Variants in RNLS observed in about 807,000 individuals in gnomAD.
The protein encoded by RNLS is renalase, FAD dependent amine oxidase.
A neutral mutation model predicts 39.8 loss-of-function variants in RNLS; 39 were observed. The ratio of observed to expected loss-of-function variants is 0.98; its 90% CI spans 0.76 to 1.28. RNLS has a LOEUF of 1.28. RNLS is among the 50% of genes most tolerant of loss of function. The pLI is 0.00. For synonymous variants in RNLS, 147 were observed against 150.7 expected, an observed-to-expected ratio of 0.98 and a Z score of 0.18; for missense variants, 410 against 413.3, an observed-to-expected ratio of 0.99 and a Z score of 0.07.
chr10:88,331,916 G>C (rs527554024), intron 5 of RNLS, among the ~76,000 whole-genome samples: 1 of 152,154 alleles, frequency 6.6e-6, no homozygotes, highest in Non-Finnish European at 1.5e-5. Flanking sequence ...AGATAGCCAG[G>C]GAGAGAGAGG....
chr10:88,394,513 A>G (rs1852423768), intron 4 of RNLS, among the ~76,000 whole-genome samples: 1 of 152,238 alleles, frequency 6.6e-6, no homozygotes, highest in African/African-American at 2.4e-5. Context: ...CACGCCAGTT[A>G]GAATGGCGTT....
At chr10:88,316,594 G>A (rs1447693562) in intron 5 of RNLS, among the ~76,000 whole-genome samples, 3 of 152,138 alleles carry the variant, frequency 2.0e-5, no homozygotes, top group Non-Finnish European at 4.4e-5. Flanking sequence ...GCTGCATGCT[G>A]AGAATTGGGA....
At chr10:88,406,029 T>C (rs1853242528) in intron 4 of RNLS, among the ~76,000 whole-genome samples, 1 of 152,066 alleles carries the variant, frequency 6.6e-6, no homozygotes. Context: ...ATTGTTTTGT[T>C]TGAGGAGGCT....
At chr10:88,211,503 C>G in the RNLS span, among the ~76,000 whole-genome samples, 1 of 152,150 alleles carries the variant, frequency 6.6e-6, no homozygotes, top group African/African-American at 2.4e-5. Flanking sequence ...TTGGGAGGGA[C>G]ACTGAAGACA....
At chr10:88,414,930 C>A (rs999238375) in intron 4 of RNLS, among the ~76,000 whole-genome samples, 15 of 152,202 alleles carry the variant, frequency 9.9e-5, no homozygotes, top group African/African-American at 3.6e-4. Flanking sequence ...GTATCTAGAG[C>A]TCTGAGAAAG....
At chr10:88,477,387 A>G (rs1176974072) in intron 4 of RNLS, among the ~76,000 whole-genome samples, 1 of 152,144 alleles carries the variant, frequency 6.6e-6, no homozygotes, top group Admixed American at 6.6e-5. Context: ...GATGGTGATG[A>G]CCGGGATGAC....
At chr10:88,197,111 T>C in the RNLS span, among the ~76,000 whole-genome samples, 1 of 152,208 alleles carries the variant, frequency 6.6e-6, no homozygotes, top group Non-Finnish European at 1.5e-5. Context: ...TGGAAATAAG[T>C]AAAGCTTCTG....
At chr10:88,581,428 G>A in intron 3 of RNLS, 139 bp downstream of exon 3, 1 of 576,738 alleles carries the variant, frequency 1.7e-6, no homozygotes. Context: ...TGATTACTTT[G>A]GGGAAGGACT....
At chr10:88,397,415 T>A (rs1589725269) in intron 4 of RNLS, among the ~76,000 whole-genome samples, 1 of 151,844 alleles carries the variant, frequency 6.6e-6, no homozygotes, top group East Asian at 1.9e-4. Flanking sequence ...GAAAATACTT[T>A]GAAATAAATG....
chr10:88,468,867 T>G (rs1011566312), intron 4 of RNLS, among the ~76,000 whole-genome samples: 1 of 152,184 alleles, frequency 6.6e-6, no homozygotes, highest in Non-Finnish European at 1.5e-5. Context: ...TGATGCAGAA[T>G]GTGCAACACA....
the RNLS span, among the ~76,000 whole-genome samples, chr10:88,253,664 A>T: frequency 6.6e-6 from 1 of 152,110 alleles, no homozygotes; most frequent in Non-Finnish European, 1.5e-5. Context: ...ATTTACTGAG[A>T]TTCTGTGAAA....
At chr10:88,385,804 G>A (rs902663258) in intron 4 of RNLS, among the ~76,000 whole-genome samples, 2 of 152,172 alleles carry the variant, frequency 1.3e-5, no homozygotes, top group African/African-American at 4.8e-5. Flanking sequence ...CCTGGTGGTT[G>A]GGGGTAGGGG....
At chr10:88,180,403 T>C in the RNLS span, among the ~76,000 whole-genome samples, 1 of 152,156 alleles carries the variant, frequency 6.6e-6, no homozygotes, top group African/African-American at 2.4e-5. Flanking sequence ...AAAGATTCGA[T>C]TTTTCAGAAC....
intron 4 of RNLS, among the ~76,000 whole-genome samples, chr10:88,454,517 T>C (rs1007973371): frequency 6.6e-6 from 1 of 152,208 alleles, no homozygotes; most frequent in African/African-American, 2.4e-5. Context: ...TGCTGTGATA[T>C]CCACTTGGCT....
chr10:88,285,288 TAATC>T lies in RNLS; in HGVS notation c.*62_*65del. On this transcript the variant is annotated 3_prime_UTR_variant, in exon 7 of 7. Transcript: ENST00000331772. ...TTTCTTAGCAAAATAGAAAACAAAA[TAATC>T]AATAACAGAAAATTGTGAAAATAAA... The T allele has an allele frequency of 1.4e-6, 2 of 1,435,370 alleles. No homozygotes were observed. Among genetic ancestry groups the T allele is most frequent in the East Asian group, 2.5e-5 (1 of 39,950 alleles). The allele number at this position is 1,435,370 out of a possible 1,614,324, so 88.9% of individuals were successfully genotyped here.
chr10:88,219,461 C>T, the RNLS span, among the ~76,000 whole-genome samples: 10 of 152,190 alleles, frequency 6.6e-5, no homozygotes, highest in Non-Finnish European at 1.3e-4. Context: ...CAAACAGCTC[C>T]CCTGACTTCT....
the RNLS span, among the ~76,000 whole-genome samples, chr10:88,239,859 C>A: frequency 6.6e-6 from 1 of 152,200 alleles, no homozygotes; most frequent in African/African-American, 2.4e-5. Context: ...CCTTCTCCAA[C>A]AAGAGGAAGA....
At chr10:88,392,325 A>G (rs1404836022) in intron 4 of RNLS, among the ~76,000 whole-genome samples, 1 of 152,178 alleles carries the variant, frequency 6.6e-6, no homozygotes, top group African/African-American at 2.4e-5. Context: ...TAGGGATGTG[A>G]GCATACTCAG....
rs1000286767 is a variant in RNLS, at chr10:88,430,898, AT to A, written c.527-68174del. On this transcript the variant is annotated intron_variant, in intron 4 of 6. Transcript: ENST00000331772. ...TAAATTTGCTACAATGTTTTTCAGA[AT>A]TTTTTTTCTCTTTTTATAGAGATAT... 8.3e-4 allele frequency among the ~76,000 whole-genome samples: 126 copies of A among 151,324 alleles called. No individual in the cohort carries two copies. The Middle Eastern group carries it at 0.024, about 29-fold the overall frequency.
Sources: allele counts gnomAD v4.1 joint callset (sites outside exome capture counted in the v4.1 genomes callset), GRCh38; gene constraint gnomAD v4.1.1; transcripts MANE v1.5; gene names NCBI Gene and HGNC (gene_info 2026-07-23, HGNC 2026-07-21).